The following CDK1 variants were observed in gnomAD, a reference collection of about 807,000 sequenced individuals.
CDK1 encodes the protein cyclin dependent kinase 1, also known as cyclin-dependent kinase 1.
In CDK1, 5 loss-of-function variants were observed where a neutral mutation model predicts 34.6. That is an observed-to-expected ratio of 0.14 (90% CI 0.08 to 0.30). The LOEUF (loss-of-function observed/expected upper bound fraction) is 0.30, where lower values mean the gene tolerates loss of function less well. Among genes scored for constraint, CDK1 ranks in the 10% least tolerant of loss-of-function variants. The pLI, the probability that CDK1 is intolerant of heterozygous loss-of-function variation, is 1.00. For missense variants in CDK1, 157 were observed against 345.7 expected (o/e 0.45, Z 4.33); for synonymous variants, 108 against 114.7 (o/e 0.94, Z 0.37).
chr10:60,785,895 T>A, intron 4 of CDK1, 108 bp downstream of exon 4: 3 of 1,340,252 alleles, frequency 2.2e-6, no homozygotes, highest in Non-Finnish European at 2.9e-6. Flanking sequence ...AGTGTTAGAA[T>A]AAGAAAAAGT....
At chr10:60,782,907 A>G (rs959052381) in intron 2 of CDK1, among the ~76,000 whole-genome samples, 4 of 152,198 alleles carry the variant, frequency 2.6e-5, no homozygotes, top group Non-Finnish European at 5.9e-5. Flanking sequence ...AAAATTCAAC[A>G]CATTGAGTGT....
At chr10:60,792,871 A>G (rs370181055) in intron 7 of CDK1, among the ~76,000 whole-genome samples, 4 of 152,124 alleles carry the variant, frequency 2.6e-5, no homozygotes, top group East Asian at 1.9e-4. Context: ...CACAATTGAC[A>G]TATCTTGGAG....
At chr10:60,785,590 AAGG>A in intron 3 of CDK1, 71 bp from the exon 4 acceptor site, 2 of 860,718 alleles carry the variant, frequency 2.3e-6, no homozygotes, top group Non-Finnish European at 3.6e-6. Context: ...GAAATTATGG[AAGG>A]AGTTTTATTT....
Position 60,792,132 on chromosome 10 carries a change from A to T in CDK1, c.654-16A>T, listed in dbSNP as rs2456778. 1,234,344 of 1,597,164 alleles carry T rather than the reference A, an allele frequency of 0.77. 477,806 individuals carry two copies. Among genetic ancestry groups the T allele is most frequent in the East Asian group, 0.82 (36,525 of 44,752 alleles). Reference sequence around the variant, plus strand: ...ACATTTATGCTTTAAGAAATTTTTAATTTCCTGTTTTTTAGAGCTTTGGGC... The same window carrying T: ...ACATTTATGCTTTAAGAAATTTTTATTTTCCTGTTTTTTAGAGCTTTGGGC... On this transcript the variant is annotated splice_polypyrimidine_tract_variant and intron_variant, in intron 6 of 7. Coordinates refer to ENST00000395284, the MANE Select transcript of CDK1 (RefSeq NM_001786.5).
chr10:60,793,750 C>A, intron 7 of CDK1, 127 bp from the exon 8 acceptor site: 1 of 580,600 alleles, frequency 1.7e-6, no homozygotes, highest in Non-Finnish European at 3.0e-6. Flanking sequence ...TGGAAATGCT[C>A]ATTTAATAGA....
At chr10:60,787,445 T>C (rs1358570651) in intron 4 of CDK1, among the ~76,000 whole-genome samples, 1 of 152,090 alleles carries the variant, frequency 6.6e-6, no homozygotes, top group African/African-American at 2.4e-5. Context: ...AGATGGAGCA[T>C]CTGTATTACT....
At chr10:60,790,873 T>C (rs1286214444) in intron 5 of CDK1, among the ~76,000 whole-genome samples, 2 of 152,172 alleles carry the variant, frequency 1.3e-5, no homozygotes, top group East Asian at 3.8e-4. Context: ...TCTATTTTGT[T>C]CTGTTGGTCT....
intron 2 of CDK1, among the ~76,000 whole-genome samples, chr10:60,780,824 C>T (rs1177031675): frequency 6.6e-6 from 1 of 152,048 alleles, no homozygotes. Context: ...TTCCTCGACT[C>T]CAGCAGAACA....
chr10:60,784,599 C>A, intron 2 of CDK1, 106 bp from the exon 3 acceptor site: 1 of 950,562 alleles, frequency 1.1e-6, no homozygotes, highest in Non-Finnish European at 1.6e-6. Flanking sequence ...CACTGCACTC[C>A]AACCTGGACA....
At chr10:60,784,202 A>AT (rs1308270990) in intron 2 of CDK1, among the ~76,000 whole-genome samples, 1 of 152,208 alleles carries the variant, frequency 6.6e-6, no homozygotes, top group Non-Finnish European at 1.5e-5. Flanking sequence ...CATGAATTTT[A>AT]TTTTTAAGCC....
intron 3 of CDK1, 51 bp from the exon 4 acceptor site, chr10:60,785,611 CAG>C (rs570545366): frequency 8.1e-6 from 9 of 1,115,132 alleles, no homozygotes; most frequent in South Asian, 5.2e-5. Context: ...TTTTGTGAAA[CAG>C]AGGTCAAAAA....
At chr10:60,779,883 G>A (rs1325630223) in intron 1 of CDK1, among the ~76,000 whole-genome samples, 2 of 152,160 alleles carry the variant, frequency 1.3e-5, no homozygotes, top group African/African-American at 4.8e-5. Context: ...GAATTTGAGG[G>A]TTATTTTGAT....
intron 2 of CDK1, among the ~76,000 whole-genome samples, chr10:60,780,758 T>G (rs1375457316): frequency 6.6e-6 from 1 of 152,158 alleles, no homozygotes; most frequent in African/African-American, 2.4e-5. Flanking sequence ...CTGTGGTACT[T>G]GAAGGAATGT....
intron 4 of CDK1, among the ~76,000 whole-genome samples, chr10:60,787,301 T>C (rs2080324439): frequency 6.6e-6 from 1 of 152,078 alleles, no homozygotes; most frequent in Non-Finnish European, 1.5e-5. Context: ...ACAATTAAGG[T>C]GGGCTACGCT....
In CDK1 at chr10:60,783,794, A is replaced by G. The variant is rs149321995; in HGVS notation, c.38-911A>G. ...TATTGTTGCTCATTACCTGAAGCCC[A>G]TATATCAAAATCAGTATTTTCATCA... On this transcript the variant is annotated intron_variant, in intron 2 of 7. Transcript: ENST00000395284. Among the ~76,000 whole-genome samples, 349 of 152,290 alleles carry G rather than the reference A, an allele frequency of 2.3e-3. 1 individual carries two copies. The highest frequency in any genetic ancestry group is 4.0e-3 in the Non-Finnish European group (269 of 68,034).
At position 60,794,037 on chromosome 10, in the gene CDK1, C is replaced by A; in HGVS notation, c.*62C>A. 1 of 816,800 alleles carries A rather than the reference C, an allele frequency of 1.2e-6. No individual in the cohort carries two copies. Among genetic ancestry groups the A allele is most frequent in the Non-Finnish European group, 2.0e-6 (1 of 509,386 alleles). The allele number at this position is 816,800 out of a possible 1,614,324, so 50.6% of individuals were successfully genotyped here. A position where few individuals can be genotyped will look rare whatever the true frequency, so the allele number is the denominator to read the frequency against. On this transcript the variant is annotated 3_prime_UTR_variant, in exon 8 of 8. Coordinates refer to ENST00000395284, the MANE Select transcript of CDK1 (RefSeq NM_001786.5). ...GATAGTTGTGTTTTTATTGTTAACT[C>A]TTGTCTATTTTTGTCTTATATATAT... is the stretch of plus-strand genomic sequence containing the variant.
intron 5 of CDK1, among the ~76,000 whole-genome samples, chr10:60,790,954 G>A (rs769639922): frequency 6.6e-6 from 1 of 152,108 alleles, no homozygotes; most frequent in Non-Finnish European, 1.5e-5. Context: ...TTTGAAGTCA[G>A]GTGATACGAT....
chr10:60,793,238 T>A (rs759062943), intron 7 of CDK1, among the ~76,000 whole-genome samples: 13 of 152,092 alleles, frequency 8.5e-5, no homozygotes, highest in African/African-American at 1.4e-4. Flanking sequence ...ATGGTGCTGG[T>A]TACATGAGAG....
At chr10:60,784,536 G>T (rs564526525) in intron 2 of CDK1, among the ~76,000 whole-genome samples, 169 bp from the exon 3 acceptor site, 49 of 152,062 alleles carry the variant, frequency 3.2e-4, no homozygotes, top group Non-Finnish European at 4.7e-4. Context: ...AGGCTGCCGT[G>T]GGAGGATCCC....
Sources: allele counts gnomAD v4.1 joint callset (sites outside exome capture counted in the v4.1 genomes callset), GRCh38; gene constraint gnomAD v4.1.1; transcripts MANE v1.5; gene names NCBI Gene and HGNC (gene_info 2026-07-23, HGNC 2026-07-21).